The following SSUH2 variants were observed in gnomAD, a reference collection of about 807,000 sequenced individuals.
SSUH2 encodes the protein protein SSUH2 homolog.
SSUH2 carries 47 observed loss-of-function variants against 55.3 expected under a neutral mutation model. That is an observed-to-expected ratio of 0.85 (90% CI 0.67 to 1.08). The LOEUF (loss-of-function observed/expected upper bound fraction) is 1.08, where lower values mean the gene tolerates loss of function less well. SSUH2 is among the 50% of genes least tolerant of loss of function. SSUH2 has a pLI of 0.00. For missense variants in SSUH2, 535 were observed against 490.7 expected (o/e 1.09, Z -0.85); for synonymous variants, 212 against 191.5 (o/e 1.11, Z -0.89).
At chr3:8,646,414 C>T (rs1241411588), upstream of SSUH2, among the ~76,000 whole-genome samples, 1 of 152,134 alleles carries the variant, frequency 6.6e-6, no homozygotes, top group African/African-American at 2.4e-5. Flanking sequence ...TCAAATTGAA[C>T]AAAATGTTGA....
intron 6 of SSUH2, among the ~76,000 whole-genome samples, chr3:8,629,938 A>G (rs1356633361): frequency 6.6e-6 from 1 of 152,162 alleles, no homozygotes; most frequent in South Asian, 2.1e-4. Context: ...CCCTAGCCCA[A>G]TCTGGATGCC....
At chr3:8,662,133 G>A (rs1014003811) in intron 6 of SSUH2, among the ~76,000 whole-genome samples, 6 of 152,160 alleles carry the variant, frequency 3.9e-5, no homozygotes, top group Non-Finnish European at 8.8e-5. Context: ...TAATACACAT[G>A]CCCACCTTTG....
At chr3:8,664,216 A>T (rs1369062940) in intron 5 of SSUH2, among the ~76,000 whole-genome samples, 2 of 152,242 alleles carry the variant, frequency 1.3e-5, no homozygotes, top group Non-Finnish European at 2.9e-5. Flanking sequence ...TGATAGAAGG[A>T]TACAGGGGAT....
At chr3:8,621,385 G>A (rs1239718232) in intron 11 of SSUH2, among the ~76,000 whole-genome samples, 3 of 152,186 alleles carry the variant, frequency 2.0e-5, no homozygotes, top group African/African-American at 7.2e-5. Context: ...GGGGGCTGAG[G>A]CTGAAGCCAT....
rs145183226 is a variant in SSUH2 at position 8,658,957 on chromosome 3, T to C, written c.-339A>G. On this transcript the variant is annotated 5_prime_UTR_variant, in exon 7 of 19. Coordinates refer to the SSUH2 transcript ENST00000317371. ...AAAGCACTATGATAGGCATGTTGCT[T>C]CCATGTTATCCTTCCTTCACAGCAG... 2.0e-5 allele frequency: 3 copies of C among 152,376 alleles called. No homozygotes were observed. The East Asian group carries it at 5.8e-4, about 29-fold the overall frequency. 9.4% of individuals were successfully genotyped at this position (152,376 alleles called of 1,614,324 possible).
intron 8 of SSUH2, chr3:8,627,393 A>G (rs534100933): frequency 1.2e-4 from 37 of 307,580 alleles, no homozygotes; most frequent in Non-Finnish European, 1.8e-4. Flanking sequence ...TCACTTCCCA[A>G]CCCGTGGGCG....
chr3:8,681,087 GGA>G (rs1342294961), intron 1 of SSUH2, among the ~76,000 whole-genome samples: 14 of 101,622 alleles, frequency 1.4e-4, no homozygotes, highest in South Asian at 3.7e-4. Flanking sequence ...ATAGCAGGGG[GGA>G]GAGGCACCCC....
At chr3:8,671,404 C>A (rs571779077) in intron 4 of SSUH2, among the ~76,000 whole-genome samples, 2 of 152,142 alleles carry the variant, frequency 1.3e-5, no homozygotes, top group African/African-American at 4.8e-5. Flanking sequence ...TCACATCTTA[C>A]AAGGATCATA....
chr3:8,634,653 T>C (rs1435614003), intron 3 of SSUH2: 21 of 1,191,050 alleles, frequency 1.8e-5, no homozygotes, highest in Non-Finnish European at 2.2e-5. Context: ...TTCCTAAGCA[T>C]GGAAAGTGGG....
intron 4 of SSUH2, among the ~76,000 whole-genome samples, chr3:8,633,076 C>T (rs561686401): frequency 1.3e-5 from 2 of 150,814 alleles, no homozygotes; most frequent in African/African-American, 4.9e-5. Flanking sequence ...TTTGACAAGG[C>T]GTGTGTGTAG....
intron 2 of SSUH2, among the ~76,000 whole-genome samples, chr3:8,679,438 A>G (rs577830180): frequency 0.018 from 2,200 of 123,064 alleles, 51 homozygotes; most frequent in Middle Eastern, 0.05. Context: ...TAGGACCCCC[A>G]TCACAGCGGG....
intron 4 of SSUH2, among the ~76,000 whole-genome samples, chr3:8,633,016 C>G (rs185766692): frequency 6.6e-6 from 1 of 152,126 alleles, no homozygotes; most frequent in Non-Finnish European, 1.5e-5. Flanking sequence ...TCCAATTTCT[C>G]GTCTGTAAAC....
In SSUH2 at chr3:8,644,776, A is replaced by C; in HGVS notation, c.-18T>G. ...CTGTCCATGTTCCAGACGTCCTGCC[A>C]AAGAGATGTCTGCCCTTCGAGTGTG... is the stretch of plus-strand genomic sequence containing the variant. On this transcript the variant is annotated 5_prime_UTR_variant, in exon 1 of 12. Coordinates refer to ENST00000544814, the MANE Select transcript of SSUH2 (RefSeq NM_001256748.3). 6.5e-7 allele frequency: 1 copy of C among 1,535,876 alleles called. No individual in the cohort carries two copies. The highest frequency in any genetic ancestry group is 2.4e-5 in the East Asian group (1 of 40,918).
chr3:8,649,416 G>A (rs140005266), upstream of SSUH2, among the ~76,000 whole-genome samples: 36 of 152,126 alleles, frequency 2.4e-4, no homozygotes, highest in Middle Eastern at 3.4e-3. Flanking sequence ...CCGTCCATCC[G>A]TGCTCACTCC....
intron 6 of SSUH2, among the ~76,000 whole-genome samples, chr3:8,663,155 C>T (rs1703662261): frequency 6.6e-6 from 1 of 152,328 alleles, no homozygotes; most frequent in Non-Finnish European, 1.5e-5. Context: ...AATCCAGGGA[C>T]AGCTATTATC....
intron 11 of SSUH2, 90 bp from the exon 12 acceptor site, chr3:8,620,104 G>T: frequency 7.1e-7 from 1 of 1,415,872 alleles, no homozygotes; most frequent in Non-Finnish European, 9.7e-7. Context: ...TACTGTGTGT[G>T]GTATGAAAGG....
intron 9 of SSUH2, 130 bp downstream of exon 9, chr3:8,626,099 C>G (rs192332179): frequency 8.2e-6 from 6 of 729,728 alleles, no homozygotes; most frequent in Non-Finnish European, 1.2e-5. Flanking sequence ...GAATTCTCCC[C>G]CTTCTAAGTC....
intron 4 of SSUH2, among the ~76,000 whole-genome samples, chr3:8,633,458 C>A (rs1387486627): frequency 1.3e-5 from 2 of 152,230 alleles, no homozygotes; most frequent in African/African-American, 4.8e-5. Context: ...CCGCACCCGG[C>A]CTGACACTTG....
At chr3:8,640,760 G>A (rs894977985) in intron 1 of SSUH2, among the ~76,000 whole-genome samples, 3 of 152,194 alleles carry the variant, frequency 2.0e-5, no homozygotes, top group African/African-American at 4.8e-5. Flanking sequence ...TCACCATGCC[G>A]TGAGACCAAC....
Sources: allele counts gnomAD v4.1 joint callset (sites outside exome capture counted in the v4.1 genomes callset), GRCh38; gene constraint gnomAD v4.1.1; transcripts MANE v1.5; gene names NCBI Gene and HGNC (gene_info 2026-07-23, HGNC 2026-07-21).